Variants in CDIN1 observed in about 807,000 individuals in gnomAD.
The protein encoded by CDIN1 is CDAN1 interacting nuclease 1.
A neutral mutation model predicts 45.3 loss-of-function variants in CDIN1; 33 were observed. That is an observed-to-expected ratio of 0.73 (90% CI 0.55 to 0.97). The LOEUF (loss-of-function observed/expected upper bound fraction) is 0.97. Among genes scored for constraint, CDIN1 ranks in the 50% least tolerant of loss-of-function variants. The pLI, the probability that CDIN1 is intolerant of heterozygous loss-of-function variation, is 0.00. For synonymous variants in CDIN1, 118 were observed against 124.4 expected, an observed-to-expected ratio of 0.95 and a Z score of 0.34; for missense variants, 303 against 339.4, an observed-to-expected ratio of 0.89 and a Z score of 0.84.
intron 1 of CDIN1, among the ~76,000 whole-genome samples, chr15:36,633,768 T>C (rs2039780944): frequency 6.8e-6 from 1 of 147,560 alleles, no homozygotes. Flanking sequence ...TTTTTTTTTT[T>C]CTTTCCTGAG....
intron 1 of CDIN1, among the ~76,000 whole-genome samples, chr15:36,580,346 C>T (rs763324789): frequency 6.6e-6 from 1 of 152,074 alleles, no homozygotes; most frequent in African/African-American, 2.4e-5. Context: ...AATGGAGGAC[C>T]CTTTTCAATT....
chr15:36,753,921 G>C (rs1314272899), intron 10 of CDIN1, among the ~76,000 whole-genome samples: 1 of 146,280 alleles, frequency 6.8e-6, no homozygotes, highest in African/African-American at 2.4e-5. Context: ...AGGGAAAATT[G>C]GAAGAAGAGG....
intron 5 of CDIN1, among the ~76,000 whole-genome samples, chr15:36,670,918 AAAT>A (rs1468657343): frequency 6.6e-6 from 1 of 152,078 alleles, no homozygotes; most frequent in Non-Finnish European, 1.5e-5. Context: ...AAAAAACACT[AAAT>A]AAGAGAGAAA....
chr15:36,579,880 A>G lies in CDIN1; in HGVS notation c.20A>G (p.Gln7Arg), dbSNP rs770108838. Residue 7 changes from glutamine to arginine, a missense_variant, in exon 1 of 11, where the codon CAG (glutamine) becomes CGG (arginine). Physicochemically the swap from Gln to Arg is conservative, Grantham distance 43. Transcript: ENST00000566621. MILTKA[Q>R]YDEIAQCLVS... ...CCCAACATGATACTGACCAAAGCTC[A>G]GTACGACGAGATAGCCCAGTGCCTA... The G allele has an allele frequency of 1.2e-6, 2 of 1,613,912 alleles. No individual in the cohort carries two copies. Among genetic ancestry groups the G allele is most frequent in the Admixed American group, 3.3e-5 (2 of 60,006 alleles).
At chr15:36,684,369 G>A (rs2041964597) in intron 5 of CDIN1, among the ~76,000 whole-genome samples, 1 of 152,056 alleles carries the variant, frequency 6.6e-6, no homozygotes, top group Non-Finnish European at 1.5e-5. Context: ...TTATATGCTG[G>A]ATTACATTTA....
At position 36,782,332 on chromosome 15, in the gene CDIN1, A is replaced by G. The variant is rs543190241; in HGVS notation, c.717-25992A>G. 3.1e-4 allele frequency among the ~76,000 whole-genome samples: 47 copies of G among 152,288 alleles called. No homozygotes were observed. In the South Asian group the frequency reaches 8.5e-3, roughly 28 times the overall value. ...ATTCCATTAGATGATCAAAAATGTG[A>G]TGATGCCACAGCCATTCACATTTTA... On this transcript the variant is annotated intron_variant, in intron 10 of 10. Transcript: ENST00000566621.
rs1383063322 is a variant in CDIN1, at chr15:36,579,678, C to T, written c.-183C>T. On this transcript the variant is annotated 5_prime_UTR_variant, in exon 1 of 11. Transcript: ENST00000566621. ...CGGAGGTGCCGGTGGAGCCTGGGAC[C>T]GGGCGAGTCTCCGCCCCGCTTTTGC... 7.1e-6 allele frequency: 4 copies of T among 563,304 alleles called. No individual in the cohort carries two copies. The East Asian group carries it at 1.2e-4, about 17-fold the overall frequency. The allele number at this position is 563,304 out of a possible 1,614,324, so 34.9% of individuals were successfully genotyped here.
intron 10 of CDIN1, among the ~76,000 whole-genome samples, chr15:36,713,444 G>A (rs1012169263): frequency 2.0e-5 from 3 of 152,196 alleles, no homozygotes; most frequent in Non-Finnish European, 4.4e-5. Context: ...GAACAAATGG[G>A]GCAAAATTTG....
intron 10 of CDIN1, among the ~76,000 whole-genome samples, chr15:36,800,766 A>G (rs1595618568): frequency 8.2e-6 from 1 of 122,270 alleles, no homozygotes; most frequent in Non-Finnish European, 1.9e-5. Context: ...CAACAGCCAC[A>G]TGTCTGCACA....
At position 36,804,830 on chromosome 15, in the gene CDIN1, G is replaced by A. The variant is rs375884160; in HGVS notation, c.717-3494G>A. The stretch of plus-strand genomic sequence containing the variant: ...TAGGACTACAGGCGAGCACCACCAC[G>A]CCTGGCTAATTTTTTTATATCTTTA... On this transcript the variant is annotated intron_variant, in intron 10 of 10. Coordinates refer to ENST00000566621, the MANE Select transcript of CDIN1 (RefSeq NM_001321759.2). 2.2e-4 allele frequency among the ~76,000 whole-genome samples: 34 copies of A among 151,402 alleles called. No individual in the cohort carries two copies. The East Asian group carries it at 3.3e-3, about 15-fold the overall frequency.
At chr15:36,729,032 C>T (rs2043746134) in intron 10 of CDIN1, among the ~76,000 whole-genome samples, 1 of 152,156 alleles carries the variant, frequency 6.6e-6, no homozygotes. Flanking sequence ...AAATCAGCAA[C>T]ACAATGGCCA....
rs1047278786 is a variant in CDIN1 at position 36,645,122 on chromosome 15, A to G, written c.148-101A>G. On this transcript the variant is annotated intron_variant, in intron 2 of 10. Coordinates refer to ENST00000566621, the MANE Select transcript of CDIN1 (RefSeq NM_001321759.2). ...CCCAAGCTGTTATTCAGTGTTCCCTATGTGCTAGTCACTGGGCTCAAGAAA... is the reference window on the plus strand; with the variant it reads ...CCCAAGCTGTTATTCAGTGTTCCCTGTGTGCTAGTCACTGGGCTCAAGAAA... 21 of 880,358 alleles carry G rather than the reference A, an allele frequency of 2.4e-5. No homozygotes were observed. In the Admixed American group the frequency reaches 3.0e-4, roughly 12 times the overall value. 54.5% of individuals were successfully genotyped at this position (880,358 alleles called of 1,614,324 possible). A position where few individuals can be genotyped will look rare whatever the true frequency, so the allele number is the denominator to read the frequency against.
rs534522106 is a variant in CDIN1 at position 36,656,217 on chromosome 15, A to G, written c.274-1616A>G. Reference sequence around the variant, plus strand: ...TAACATACACTTGCATCTGGTGACAATTGATGTGATGGTAATACTTTATGA... The same window carrying G: ...TAACATACACTTGCATCTGGTGACAGTTGATGTGATGGTAATACTTTATGA... On this transcript the variant is annotated intron_variant, in intron 4 of 10. Coordinates refer to ENST00000566621, the MANE Select transcript of CDIN1 (RefSeq NM_001321759.2). 7.2e-5 allele frequency among the ~76,000 whole-genome samples: 11 copies of G among 152,310 alleles called. No homozygotes were observed. In the South Asian group the frequency reaches 2.3e-3, roughly 32 times the overall value.
chr15:36,723,704 A>G (rs956772995), intron 10 of CDIN1, among the ~76,000 whole-genome samples: 3 of 152,238 alleles, frequency 2.0e-5, no homozygotes, highest in Admixed American at 6.5e-5. Context: ...TGCTGAGACT[A>G]TAGGCATGGG....
chr15:36,689,628 T>A (rs944999777), intron 5 of CDIN1, among the ~76,000 whole-genome samples: 1 of 152,234 alleles, frequency 6.6e-6, no homozygotes, highest in South Asian at 2.1e-4. Flanking sequence ...TGGTCCCCTC[T>A]GACTGGCCAG....
At chr15:36,604,104 C>T (rs1373740297) in intron 1 of CDIN1, among the ~76,000 whole-genome samples, 1 of 152,048 alleles carries the variant, frequency 6.6e-6, no homozygotes, top group Non-Finnish European at 1.5e-5. Flanking sequence ...AGGACCAGTT[C>T]GGGTGTGATC....
At chr15:36,721,530 G>A (rs1417816673) in intron 10 of CDIN1, among the ~76,000 whole-genome samples, 2 of 152,120 alleles carry the variant, frequency 1.3e-5, no homozygotes, top group Non-Finnish European at 2.9e-5. Flanking sequence ...GGAGATCAGA[G>A]AACAAATCTG....
chr15:36,736,260 T>G (rs1159611898), intron 10 of CDIN1, among the ~76,000 whole-genome samples: 2 of 152,152 alleles, frequency 1.3e-5, no homozygotes. Flanking sequence ...ATTACACTTC[T>G]TCCTTTCCTC....
chr15:36,602,481 C>CT (rs919580882), intron 1 of CDIN1, among the ~76,000 whole-genome samples: 2 of 152,272 alleles, frequency 1.3e-5, no homozygotes, highest in South Asian at 2.1e-4. Flanking sequence ...AATAAGGGGG[C>CT]TGATGTTACT....
Sources: allele counts gnomAD v4.1 joint callset (sites outside exome capture counted in the v4.1 genomes callset), GRCh38; gene constraint gnomAD v4.1.1; transcripts MANE v1.5; gene names NCBI Gene and HGNC (gene_info 2026-07-23, HGNC 2026-07-21).